The following SNX32 variants were observed in gnomAD, a reference collection of about 807,000 sequenced individuals.
SNX32 encodes the protein sorting nexin 32.
Under a neutral mutation model 57.0 loss-of-function variants are expected in SNX32, and 58 were observed. That is an observed-to-expected ratio of 1.02 (90% CI 0.82 to 1.27). SNX32 has a LOEUF of 1.27. Among genes scored for constraint, SNX32 ranks in the 50% most tolerant of loss-of-function variants. The pLI is 0.00. For synonymous variants in SNX32, 262 were observed against 220.4 expected, an observed-to-expected ratio of 1.19 and a Z score of -1.67; for missense variants, 589 against 541.2, an observed-to-expected ratio of 1.09 and a Z score of -0.88.
chr11:65,851,287 A>G lies in SNX32; in HGVS notation c.710-41A>G, dbSNP rs780329545. The G allele has an allele frequency of 1.4e-5, 23 of 1,611,304 alleles. No individual in the cohort carries two copies. In the East Asian group the frequency reaches 4.5e-4, roughly 31 times the overall value. On this transcript the variant is annotated intron_variant, in intron 7 of 12. Coordinates refer to ENST00000308342, the MANE Select transcript of SNX32 (RefSeq NM_152760.3). ...GTGGCCACAAGCACCAAGGCTTGAC[A>G]TGCAGATGTAGGGGCTCTGATGGGG...
Position 65,852,709 on chromosome 11 carries a change from A to T in SNX32, c.992A>T (p.Asn331Ile). 1 of 1,598,704 alleles carries T rather than the reference A, an allele frequency of 6.3e-7. No homozygotes were observed. The highest frequency in any genetic ancestry group is 8.5e-7 in the Non-Finnish European group (1 of 1,176,266). Residue 331 changes from asparagine to isoleucine, a missense_variant, in exon 11 of 13, where the codon AAC becomes ATC. Physicochemically the swap from Asn to Ile is moderately radical, Grantham distance 149 (BLOSUM62 -3). Coordinates refer to ENST00000308342, the MANE Select transcript of SNX32 (RefSeq NM_152760.3). ...GCGCTGGACAAGGCGCGCACCAGGAACCGGGAGGTGCGGCCCGCCGAGAGC... is the reference window on the plus strand; with the variant it reads ...GCGCTGGACAAGGCGCGCACCAGGATCCGGGAGGTGCGGCCCGCCGAGAGC... ...NKALDKARTR[N>I]REVRPAESHQ...
intron 1 of SNX32, among the ~76,000 whole-genome samples, chr11:65,845,430 T>A: frequency 7.3e-6 from 1 of 136,620 alleles, no homozygotes; most frequent in Non-Finnish European, 1.6e-5. Context: ...AGAGCAAGAC[T>A]CCATCTCAAA....
intron 9 of SNX32, among the ~76,000 whole-genome samples, chr11:65,852,206 T>C (rs1859221105): frequency 6.6e-6 from 1 of 151,974 alleles, no homozygotes; most frequent in South Asian, 2.1e-4. Context: ...GAACTAAAGT[T>C]TCCCTGAACA....
In SNX32 at chr11:65,853,349, C is replaced by T; in HGVS notation, c.*14C>T. The T allele has an allele frequency of 1.9e-6, 3 of 1,613,738 alleles. No homozygotes were observed. In the South Asian group the frequency reaches 3.3e-5, roughly 18 times the overall value. On this transcript the variant is annotated 3_prime_UTR_variant, in exon 13 of 13. Coordinates refer to ENST00000308342, the MANE Select transcript of SNX32 (RefSeq NM_152760.3). ...GGGGAGCCTTAGAGTAGCCAGAGCT[C>T]AGCCAGACCCTAATCTGGGATCTCC...
Position 65,853,543 on chromosome 11 carries a change from C to T in SNX32, c.*208C>T, listed in dbSNP as rs1180888088. 12 of 600,686 alleles carry T rather than the reference C, an allele frequency of 2.0e-5. No homozygotes were observed. Among genetic ancestry groups the T allele is most frequent in the Non-Finnish European group, 3.5e-5 (12 of 338,058 alleles). The allele number at this position is 600,686 out of a possible 1,614,324, so 37.2% of individuals were successfully genotyped here. A position where few individuals can be genotyped will look rare whatever the true frequency, so the allele number is the denominator to read the frequency against. On this transcript the variant is annotated 3_prime_UTR_variant, in exon 13 of 13. Transcript: ENST00000308342. ...GCAAGACACAGGGCAGCATGGGCAT[C>T]ATAACTGGCCACAGTCAGCAGAGCC...
rs1382273257 is a variant in SNX32 at position 65,850,035 on chromosome 11, G to A, written c.252+5G>A. 6.2e-7 allele frequency: 1 copy of A among 1,614,124 alleles called. No individual in the cohort carries two copies. Among genetic ancestry groups the A allele is most frequent in the Non-Finnish European group, 8.5e-7 (1 of 1,179,950 alleles). On this transcript the variant is annotated splice_donor_5th_base_variant and intron_variant, in intron 3 of 12. Coordinates refer to ENST00000308342, the MANE Select transcript of SNX32 (RefSeq NM_152760.3). ...GAGGAGTACGCCGGCCTCATCGTGA[G>A]GAGGGGCTGGGCAGGGGCTGGGAGG...
intron 2 of SNX32, 94 bp downstream of exon 2, chr11:65,849,676 G>C (rs1269746296): frequency 8.6e-7 from 1 of 1,162,696 alleles, no homozygotes; most frequent in Admixed American, 1.8e-5. Context: ...ACAGCCTGTG[G>C]GCACTCTTCC....
In SNX32 at chr11:65,852,319, C is replaced by T. The variant is rs113280894; in HGVS notation, c.826-146C>T. On this transcript the variant is annotated intron_variant, in intron 9 of 12. Coordinates refer to ENST00000308342, the MANE Select transcript of SNX32 (RefSeq NM_152760.3). ...GATCCCACTTCCTCTGTGAAGCCTT[C>T]CCTGGCCTGCACCCCTCAACACCAG... The T allele has an allele frequency of 5.7e-5, 41 of 720,064 alleles. 1 individual carries two copies. In the African/African-American group the frequency reaches 6.1e-4, roughly 11 times the overall value. The allele number at this position is 720,064 out of a possible 1,614,324, so 44.6% of individuals were successfully genotyped here.
Position 65,844,437 on chromosome 11 carries a change from T to TA in SNX32, c.37-5028dup, listed in dbSNP as rs11332468. Among the ~76,000 whole-genome samples the TA allele has an allele frequency of 2.0e-3, 296 of 146,540 alleles. 2 individuals carry two copies. The highest frequency in any genetic ancestry group is 6.8e-3 in the African/African-American group (267 of 39,236). On this transcript the variant is annotated intron_variant, in intron 1 of 12. Transcript: ENST00000308342. ...CAACATTAGCAGGACCCCTTTTCTT[T>TA]AAAAAAAAAAAAATAATAAATAGAG...
At chr11:65,848,250 T>A (rs1227853331) in intron 1 of SNX32, among the ~76,000 whole-genome samples, 2 of 152,236 alleles carry the variant, frequency 1.3e-5, no homozygotes, top group East Asian at 3.9e-4. Flanking sequence ...CCTAAGCCTC[T>A]TCCCTTCCCC....
At chr11:65,846,344 C>T (rs575755367) in intron 1 of SNX32, among the ~76,000 whole-genome samples, 1 of 147,404 alleles carries the variant, frequency 6.8e-6, no homozygotes, top group South Asian at 2.2e-4. Context: ...CCGAGGCGGG[C>T]GGATCACCTG....
At chr11:65,842,393 A>G (rs970545488) in intron 1 of SNX32, among the ~76,000 whole-genome samples, 2 of 152,226 alleles carry the variant, frequency 1.3e-5, no homozygotes, top group African/African-American at 4.8e-5. Flanking sequence ...TCATGCCTGT[A>G]ATTCCAGCAC....
At chr11:65,835,655 C>T (rs900404826) in intron 1 of SNX32, 4 of 152,076 alleles carry the variant, frequency 2.6e-5, no homozygotes, top group Non-Finnish European at 4.4e-5. Flanking sequence ...CCATCTCCCT[C>T]AAGCAGCTAC....
At chr11:65,837,548 A>G (rs1008881496) in intron 1 of SNX32, among the ~76,000 whole-genome samples, 1 of 152,142 alleles carries the variant, frequency 6.6e-6, no homozygotes, top group Non-Finnish European at 1.5e-5. Flanking sequence ...GGCCAGGCAC[A>G]GTGGCTCACA....
intron 1 of SNX32, among the ~76,000 whole-genome samples, chr11:65,848,879 A>T (rs191964234): frequency 1.6e-3 from 240 of 152,260 alleles, no homozygotes; most frequent in Non-Finnish European, 2.8e-3. Flanking sequence ...ACGGTGGCTC[A>T]TGCCTGTAAT....
At position 65,852,652 on chromosome 11, in the gene SNX32, G is replaced by C; in HGVS notation, c.935G>C (p.Arg312Pro). 6.2e-7 allele frequency: 1 copy of C among 1,604,510 alleles called. No homozygotes were observed. The highest frequency in any genetic ancestry group is 8.5e-7 in the Non-Finnish European group (1 of 1,176,908). The change falls in exon 11 of 13, where the codon CGG (arginine) becomes CCG (proline). Residue 312 changes from arginine (R) to proline (P), a missense_variant. Physicochemically the swap from Arg to Pro is moderately radical, Grantham distance 103 (BLOSUM62 -2). Transcript: ENST00000308342. ...AAKDLLYRRLRALADYENANK... is the reference protein window; with the variant it reads ...AAKDLLYRRLPALADYENANK... Reference sequence around the variant, plus strand: ...TAGGACCTGCTGTACCGGCGGCTGCGGGCACTGGCCGACTACGAGAATGCC... The same window carrying C: ...TAGGACCTGCTGTACCGGCGGCTGCCGGCACTGGCCGACTACGAGAATGCC...
chr11:65,851,623 T>A lies in SNX32; in HGVS notation c.786-17T>A, dbSNP rs1256311261. On this transcript the variant is annotated splice_polypyrimidine_tract_variant and intron_variant, in intron 8 of 12. Coordinates refer to ENST00000308342, the MANE Select transcript of SNX32 (RefSeq NM_152760.3). The stretch of plus-strand genomic sequence containing the variant: ...TCCTCAGCCCCCTACCCTAACTCCC[T>A]CCCTACTGCTTCCTAGGAGCTTCCT... 5 of 1,613,968 alleles carry A rather than the reference T, an allele frequency of 3.1e-6. No individual in the cohort carries two copies. The South Asian group carries it at 5.5e-5, about 18-fold the overall frequency.
chr11:65,837,975 G>T (rs1591023925), intron 1 of SNX32, among the ~76,000 whole-genome samples: 1 of 152,112 alleles, frequency 6.6e-6, no homozygotes, highest in African/African-American at 2.4e-5. Flanking sequence ...GGCCAACATG[G>T]TGAAACCCCG....
Position 65,847,491 on chromosome 11 carries a change from A to C in SNX32, c.37-1987A>C, listed in dbSNP as rs1859034763. On this transcript the variant is annotated intron_variant, in intron 1 of 12. Transcript: ENST00000308342. ...ACCCTGTCTCCAAATAAATAAATAA[A>C]ATATATATCTATCATGATCTGAGTT... Among the ~76,000 whole-genome samples, 3 of 151,990 alleles carry C rather than the reference A, an allele frequency of 2.0e-5. No individual in the cohort carries two copies. The South Asian group carries it at 6.2e-4, about 32-fold the overall frequency.
Sources: allele counts gnomAD v4.1 joint callset (sites outside exome capture counted in the v4.1 genomes callset), GRCh38; gene constraint gnomAD v4.1.1; transcripts MANE v1.5; gene names NCBI Gene and HGNC (gene_info 2026-07-23, HGNC 2026-07-21).